Variants in ADCY4 observed in about 807,000 individuals in gnomAD.
ADCY4 encodes adenylate cyclase 4.
Under a neutral mutation model 125.5 loss-of-function variants are expected in ADCY4, and 111 were observed. The ratio of observed to expected loss-of-function variants is 0.88; its 90% CI spans 0.76 to 1.04. The LOEUF is 1.04. Ranked by LOEUF, ADCY4 falls within the 50% of genes least tolerant of loss-of-function variation. The pLI, the probability that ADCY4 is intolerant of heterozygous loss-of-function variation, is 0.00. For synonymous variants in ADCY4, 576 were observed against 586.9 expected, an observed-to-expected ratio of 0.98 and a Z score of 0.27; for missense variants, 1,256 against 1,382.9, an observed-to-expected ratio of 0.91 and a Z score of 1.46.
chr14:24,321,972 G>T (rs894797187), intron 20 of ADCY4, 94 bp downstream of exon 20: 1 of 1,481,862 alleles, frequency 6.7e-7, no homozygotes. Flanking sequence ...ACCCTTCTGG[G>T]GGTTCTAGAG....
At chr14:24,327,138 C>A (rs912076922) in intron 10 of ADCY4, among the ~76,000 whole-genome samples, 1 of 152,042 alleles carries the variant, frequency 6.6e-6, no homozygotes, top group Admixed American at 6.5e-5. Flanking sequence ...CTCAAGCTAT[C>A]CATCTGCCTC....
chr14:24,326,433 T>C (rs2041946203), intron 10 of ADCY4, 91 bp from the exon 11 acceptor site: 1 of 1,482,912 alleles, frequency 6.7e-7, no homozygotes, highest in Non-Finnish European at 9.4e-7. Flanking sequence ...TCTATACATG[T>C]CTTTGACCTT....
chr14:24,322,484 G>T, intron 19 of ADCY4, 140 bp downstream of exon 19: 2 of 973,834 alleles, frequency 2.1e-6, no homozygotes, highest in Non-Finnish European at 3.0e-6. Context: ...GGGGCAGGGA[G>T]TGAAGGAGAA....
At position 24,324,180 on chromosome 14, in the gene ADCY4, G is replaced by A. The variant is rs367863560; in HGVS notation, c.1928C>T (p.Pro643Leu). 1.1e-5 allele frequency: 17 copies of A among 1,614,096 alleles called. No individual in the cohort carries two copies. In the Middle Eastern group the frequency reaches 6.6e-4, roughly 62 times the overall value. The change falls in exon 16 of 25, where the codon CCC (proline) becomes CTC (leucine). Residue 643 changes from proline to leucine, a missense_variant. By Grantham distance (98) the Pro-to-Leu change is moderately conservative (BLOSUM62 -3). Transcript: ENST00000418030. ...EDLMRCVLKG[P>L]KMLHWLPALS... is the part of the protein sequence containing the mutation. The stretch of plus-strand genomic sequence containing the variant: ...TGCAGGCAGCCAGTGCAGCATCTTG[G>A]GGCCTTTCAGGACACACCTCTGTGG...
In ADCY4 at chr14:24,319,492, C is replaced by A. The variant is rs2041820347; in HGVS notation, c.2734-56G>T. ...CTCTCTTACTCTCTCCATCACCTCT[C>A]CCAGAAGCCCAGCCCCAAGCCTTTG... is the stretch of plus-strand genomic sequence containing the variant. On this transcript the variant is annotated intron_variant, in intron 21 of 24. Coordinates refer to ENST00000418030, the MANE Select transcript of ADCY4 (RefSeq NM_001198568.2). This position sits in a 1 kb window ranked among gnomAD's most constrained non-coding sequence, Gnocchi z 4.5. 1.9e-6 allele frequency: 3 copies of A among 1,541,870 alleles called. No individual in the cohort carries two copies. The Admixed American group carries it at 5.1e-5, about 26-fold the overall frequency.
At chr14:24,326,016 A>G (rs2139207298) in intron 12 of ADCY4, 63 bp downstream of exon 12, 2 of 1,490,756 alleles carry the variant, frequency 1.3e-6, no homozygotes, top group Non-Finnish European at 1.8e-6. Flanking sequence ...AGGGAGCACC[A>G]TCCCTTCTCC....
In ADCY4 at chr14:24,324,094, G is replaced by C. The variant is rs763384611; in HGVS notation, c.2014C>G (p.Leu672Val). 6.2e-7 allele frequency: 1 copy of C among 1,614,264 alleles called. No individual in the cohort carries two copies. The highest frequency in any genetic ancestry group is 2.2e-5 in the East Asian group (1 of 44,884). ...GTAATGGCCATGGCAAAGACAAGGA[G>C]GATGGTGGCGGTGCCCAAGGCTATT... ...LRIALGTATI[L>V]LVFAMAITSL... The change falls in exon 16 of 25, where the codon CTC becomes GTC. Residue 672 changes from leucine (L) to valine (V), a missense_variant. Physicochemically the swap from Leu to Val is conservative, Grantham distance 32 (BLOSUM62 1). Transcript: ENST00000418030.
In ADCY4 at chr14:24,319,312, A is replaced by G; in HGVS notation, c.2841+17T>C. ...AGAGCCCAGAGGAGGATGGTAGGTA[A>G]GGAAGGGTTGCCGTACCTGTTGTGC... On this transcript the variant is annotated intron_variant, in intron 22 of 24. Transcript: ENST00000418030. The surrounding 1 kb of genome is among the most constrained non-coding windows in gnomAD (Gnocchi z 4.5). 6.2e-7 allele frequency: 1 copy of G among 1,613,110 alleles called. No individual in the cohort carries two copies. The highest frequency in any genetic ancestry group is 8.5e-7 in the Non-Finnish European group (1 of 1,179,082).
At chr14:24,330,058 C>G in intron 7 of ADCY4, 40 bp from the exon 8 acceptor site, 2 of 1,601,314 alleles carry the variant, frequency 1.2e-6, no homozygotes, top group Non-Finnish European at 8.5e-7. Context: ...GTCCTACCCT[C>G]AGCCCTGCCT....
intron 8 of ADCY4, 53 bp downstream of exon 8, chr14:24,329,807 G>A (rs2042011926): frequency 6.3e-7 from 1 of 1,586,188 alleles, no homozygotes. Context: ...ATGGCAGCCT[G>A]TGGTAGGCCT....
intron 14 of ADCY4, among the ~76,000 whole-genome samples, chr14:24,325,129 T>A (rs183878497): frequency 7.2e-5 from 11 of 152,066 alleles, no homozygotes; most frequent in Non-Finnish European, 2.9e-5. Context: ...CTGGCCTTCA[T>A]GGGGATGTTG....
At chr14:24,320,917 G>C (rs908485346) in intron 20 of ADCY4, among the ~76,000 whole-genome samples, 1 of 151,978 alleles carries the variant, frequency 6.6e-6, no homozygotes, top group Admixed American at 6.6e-5. Flanking sequence ...AGAGAGGGGT[G>C]GACTGTATCC....
rs774646336 is a variant in ADCY4 at position 24,324,104 on chromosome 14, G to A, written c.2004C>T (p.Thr668=). ...TGGCAAAGACAAGGAGGATGGTGGC[G>A]GTGCCCAAGGCTATTCTCAGTCCTG... ...TRPGLRIALG[T]ATILLVFAMA... Residue 668 remains threonine, a synonymous_variant, in exon 16 of 25, where the codon ACC becomes ACT. Transcript: ENST00000418030. 32 of 1,614,086 alleles carry A rather than the reference G, an allele frequency of 2.0e-5. No homozygotes were observed. The highest frequency in any genetic ancestry group is 6.7e-5 in the Admixed American group (4 of 60,004).
Position 24,325,366 on chromosome 14 carries a change from G to A in ADCY4, c.1823+11C>T. 1 of 1,611,240 alleles carries A rather than the reference G, an allele frequency of 6.2e-7. No individual in the cohort carries two copies. Among genetic ancestry groups the A allele is most frequent in the Non-Finnish European group, 8.5e-7 (1 of 1,178,014 alleles). ...GACAGCCAGGGCCTCCTTTGCCTGG[G>A]GCACTCTCACCTGTTTGTCACTAGC... is the stretch of plus-strand genomic sequence containing the variant. On this transcript the variant is annotated intron_variant, in intron 14 of 24. Transcript: ENST00000418030.
chr14:24,332,334 G>C (rs540037473), intron 3 of ADCY4, 188 bp downstream of exon 3: 1 of 633,014 alleles, frequency 1.6e-6, no homozygotes, highest in East Asian at 3.0e-5. Context: ...GTGTGGCCTG[G>C]ATCCCTCTTC....
intron 1 of ADCY4, among the ~76,000 whole-genome samples, chr14:24,333,375 C>A (rs1198968446): frequency 1.1e-4 from 17 of 151,320 alleles, no homozygotes; most frequent in Non-Finnish European, 1.5e-5. Flanking sequence ...CTCCCGCCAC[C>A]ACGCCCAGCT....
In ADCY4 at chr14:24,319,278, C is replaced by G; in HGVS notation, c.2841+51G>C. ...ACAGGAATAAGTCCCACTAATAAGCCCATCAATGAGAGCCCAGAGGAGGAT... is the reference window on the plus strand; with the variant it reads ...ACAGGAATAAGTCCCACTAATAAGCGCATCAATGAGAGCCCAGAGGAGGAT... On this transcript the variant is annotated intron_variant, in intron 22 of 24. Transcript: ENST00000418030. This position sits in a 1 kb window ranked among gnomAD's most constrained non-coding sequence, Gnocchi z 4.5. 1 of 1,612,540 alleles carries G rather than the reference C, an allele frequency of 6.2e-7. No homozygotes were observed. The highest frequency in any genetic ancestry group is 1.1e-5 in the South Asian group (1 of 91,026).
chr14:24,331,310 A>C lies in ADCY4; in HGVS notation c.716T>G (p.Met239Arg). 6.2e-7 allele frequency: 1 copy of C among 1,614,076 alleles called. No individual in the cohort carries two copies. The highest frequency in any genetic ancestry group is 8.5e-7 in the Non-Finnish European group (1 of 1,180,026). The change falls in exon 5 of 25, where the codon ATG becomes AGG. Residue 239 changes from methionine (M) to arginine (R), a missense_variant. Transcript: ENST00000418030. Reference protein sequence around the residue: ...SILPAYLAREMKAEIMARLQA... With the variant: ...SILPAYLARERKAEIMARLQA... ...CAGCCGTGCCATGATCTCTGCCTTCATCTCTCGGGCCAGGTAGGCAGGAAG... is the reference window on the plus strand; with the variant it reads ...CAGCCGTGCCATGATCTCTGCCTTCCTCTCTCGGGCCAGGTAGGCAGGAAG...
chr14:24,330,300 G>A lies in ADCY4; in HGVS notation c.931-5C>T. 6.2e-7 allele frequency: 1 copy of A among 1,614,114 alleles called. No individual in the cohort carries two copies. Among genetic ancestry groups the A allele is most frequent in the South Asian group, 1.1e-5 (1 of 91,028 alleles). ...GATCCGCATGCATTCATGCTCCTGG[G>A]AGTGTGTATGTGGGTGTGCAGAGGA... On this transcript the variant is annotated splice_region_variant and splice_polypyrimidine_tract_variant and intron_variant, in intron 6 of 24. Transcript: ENST00000418030.
Sources: allele counts gnomAD v4.1 joint callset (sites outside exome capture counted in the v4.1 genomes callset), GRCh38; gene constraint gnomAD v4.1.1; non-coding constraint Gnocchi (gnomAD v3.1); transcripts MANE v1.5; gene names NCBI Gene and HGNC (gene_info 2026-07-23, HGNC 2026-07-21).